The following MAFK variants were observed in gnomAD, a reference collection of about 807,000 sequenced individuals.
MAFK encodes transcription factor MafK.
A neutral mutation model predicts 9.2 loss-of-function variants in MAFK; 1 was observed. The observed-to-expected ratio is 0.11, with a 90% CI of 0.04 to 0.52. The LOEUF is 0.52. Among genes scored for constraint, MAFK ranks in the 20% least tolerant of loss-of-function variants. The pLI, the probability that MAFK is intolerant of heterozygous loss-of-function variation, is 0.94. For missense variants in MAFK, 207 were observed against 236.0 expected (o/e 0.88, Z 0.81); for synonymous variants, 110 against 107.4 (o/e 1.02, Z -0.15).
At chr7:1,539,007 C>A in intron 1 of MAFK, 142 bp from the exon 2 acceptor site, 2 of 683,508 alleles carry the variant, frequency 2.9e-6, no homozygotes, top group East Asian at 5.6e-5. Flanking sequence ...GGGCTGGGCC[C>A]GGATGGTGCC....
chr7:1,539,308 G>C (rs1784114831), intron 2 of MAFK, 80 bp downstream of exon 2: 7 of 1,238,650 alleles, frequency 5.7e-6, no homozygotes, highest in Non-Finnish European at 8.1e-6. Flanking sequence ...TGCTATCCCA[G>C]GGCCGTCCTG....
In MAFK at chr7:1,542,476, T is replaced by C. The variant is rs1784218541; in HGVS notation, c.*2101T>C. On this transcript the variant is annotated 3_prime_UTR_variant, in exon 3 of 3. Transcript: ENST00000343242. The stretch of plus-strand genomic sequence containing the variant: ...TGGCCGGTTCTGTCCCGTCTTGGGG[T>C]TCTTGGTGTCCACGTCTTGTGGGCC... The C allele has an allele frequency of 6.6e-6, 1 of 152,136 alleles. No homozygotes were observed. The highest frequency in any genetic ancestry group is 6.6e-5 in the Admixed American group (1 of 15,258). 9.4% of individuals were successfully genotyped at this position (152,136 alleles called of 1,614,324 possible).
At position 1,532,869 on chromosome 7, in the gene MAFK, A is replaced by T. The variant is rs1019609282; in HGVS notation, c.-45+1971A>T. On this transcript the variant is annotated intron_variant, in intron 1 of 2. Transcript: ENST00000343242. This position sits in a 1 kb window ranked among gnomAD's most constrained non-coding sequence, Gnocchi z 4.5. ...GGGTCCAGTCCACACGGGAAATGGAAATCTGGCCAGCTGAGAGAGGGCTCC... is the reference window on the plus strand; with the variant it reads ...GGGTCCAGTCCACACGGGAAATGGATATCTGGCCAGCTGAGAGAGGGCTCC... Among the ~76,000 whole-genome samples, 1 of 152,122 alleles carries T rather than the reference A, an allele frequency of 6.6e-6. No individual in the cohort carries two copies. Among genetic ancestry groups the T allele is most frequent in the African/African-American group, 2.4e-5 (1 of 41,408 alleles).
rs1305724344 is a variant in MAFK at position 1,541,646 on chromosome 7, A to G, written c.*1271A>G. 6.6e-6 allele frequency: 1 copy of G among 152,096 alleles called. No individual in the cohort carries two copies. The highest frequency in any genetic ancestry group is 1.5e-5 in the Non-Finnish European group (1 of 68,032). 9.4% of individuals were successfully genotyped at this position (152,096 alleles called of 1,614,324 possible). ...TCGTGGACGTGGCTCCTGCGCGCAC[A>G]CCCCCAGGAGCACAGCCACGGGCTG... On this transcript the variant is annotated 3_prime_UTR_variant, in exon 3 of 3. Transcript: ENST00000343242.
At position 1,539,174 on chromosome 7, in the gene MAFK, T is replaced by C. The variant is rs1307223854; in HGVS notation, c.-19T>C. ...CTACGAGTTCCAGGGAGCTCTGTCCTGGTGACCGTGCCCGGGTTATGACGA... is the reference window on the plus strand; with the variant it reads ...CTACGAGTTCCAGGGAGCTCTGTCCCGGTGACCGTGCCCGGGTTATGACGA... On this transcript the variant is annotated 5_prime_UTR_variant, in exon 2 of 3. Coordinates refer to ENST00000343242, the MANE Select transcript of MAFK (RefSeq NM_002360.4). The C allele has an allele frequency of 6.2e-7, 1 of 1,613,056 alleles. No homozygotes were observed.
chr7:1,542,712 G>A lies in MAFK; in HGVS notation c.*2337G>A, dbSNP rs557539077. 5 of 152,662 alleles carry A rather than the reference G, an allele frequency of 3.3e-5. No individual in the cohort carries two copies. Among genetic ancestry groups the A allele is most frequent in the South Asian group, 2.1e-4 (1 of 4,832 alleles). 9.5% of individuals were successfully genotyped at this position (152,662 alleles called of 1,614,324 possible). A position where few individuals can be genotyped will look rare whatever the true frequency, so the allele number is the denominator to read the frequency against. On this transcript the variant is annotated 3_prime_UTR_variant, in exon 3 of 3. Coordinates refer to ENST00000343242, the MANE Select transcript of MAFK (RefSeq NM_002360.4). The stretch of plus-strand genomic sequence containing the variant: ...AAAAAGACGAGGGACTCTTTGTCAC[G>A]TGGGTTTGTTTTCTGTCTCCGTGCC...
At chr7:1,538,644 C>T (rs1010827764) in intron 1 of MAFK, 56 of 163,094 alleles carry the variant, frequency 3.4e-4, no homozygotes, top group Admixed American at 5.9e-4. Flanking sequence ...CCACACTCCT[C>T]GGGGCCGGCA....
At chr7:1,535,379 G>A (rs1784003662) in intron 1 of MAFK, among the ~76,000 whole-genome samples, 1 of 152,220 alleles carries the variant, frequency 6.6e-6, no homozygotes. Flanking sequence ...AAATGGCCGG[G>A]CATGGTGGCT....
At chr7:1,531,321 C>T (rs1783899645) in intron 1 of MAFK, among the ~76,000 whole-genome samples, 1 of 151,778 alleles carries the variant, frequency 6.6e-6, no homozygotes, top group Non-Finnish European at 1.5e-5. Flanking sequence ...CGCGTGGATT[C>T]TCCGCGGCTT....
intron 1 of MAFK, chr7:1,537,751 A>G (rs1784069445): frequency 2.8e-5 from 27 of 958,722 alleles, no homozygotes; most frequent in Non-Finnish European, 3.2e-5. Flanking sequence ...TGGGGCCCCC[A>G]TCGGAGGCAG....
chr7:1,536,527 A>C (rs895474022), intron 1 of MAFK, among the ~76,000 whole-genome samples: 1 of 152,042 alleles, frequency 6.6e-6, no homozygotes, highest in Non-Finnish European at 1.5e-5. Flanking sequence ...CGCTTTCTAC[A>C]TGTGCTCTGG....
rs1227785954 is a variant in MAFK at position 1,534,736 on chromosome 7, GC to G, written c.-45+3843del. The G allele has an allele frequency of 2.3e-6, 1 of 434,180 alleles. No individual in the cohort carries two copies. The highest frequency in any genetic ancestry group is 7.2e-5 in the East Asian group (1 of 13,906). 26.9% of individuals were successfully genotyped at this position (434,180 alleles called of 1,614,324 possible). On this transcript the variant is annotated intron_variant, in intron 1 of 2. Transcript: ENST00000343242. The surrounding 1 kb of genome is among the most constrained non-coding windows in gnomAD (Gnocchi z 4.3). ...GGCAAGAACAAGTGACCCATCCAGAGCCCCCATGCTGGCCTCGTAGAGCGAG... is the reference window on the plus strand; with the variant it reads ...GGCAAGAACAAGTGACCCATCCAGAGCCCCATGCTGGCCTCGTAGAGCGAG...
In MAFK at chr7:1,534,495, C is replaced by G; in HGVS notation, c.-45+3597C>G. 1 of 443,312 alleles carries G rather than the reference C, an allele frequency of 2.3e-6. No individual in the cohort carries two copies. The highest frequency in any genetic ancestry group is 4.6e-6 in the Non-Finnish European group (1 of 217,364). The allele number at this position is 443,312 out of a possible 1,614,324, so 27.5% of individuals were successfully genotyped here. A position where few individuals can be genotyped will look rare whatever the true frequency, so the allele number is the denominator to read the frequency against. On this transcript the variant is annotated intron_variant, in intron 1 of 2. Transcript: ENST00000343242. The surrounding 1 kb of genome is among the most constrained non-coding windows in gnomAD (Gnocchi z 4.3). Reference sequence around the variant, plus strand: ...TCACTGGTCGGGGGGCGGGAGGGCGCTTGCTGCTGTGCTGCTGGGTTTCTG... The same window carrying G: ...TCACTGGTCGGGGGGCGGGAGGGCGGTTGCTGCTGTGCTGCTGGGTTTCTG...
intron 1 of MAFK, among the ~76,000 whole-genome samples, chr7:1,535,215 A>G (rs759446523): frequency 6.0e-5 from 9 of 149,418 alleles, no homozygotes; most frequent in Non-Finnish European, 1.0e-4. Context: ...CCCAGTCCCA[A>G]CTTGGTGGAG....
rs1342971788 is a variant in MAFK at position 1,540,615 on chromosome 7, G to A, written c.*240G>A. The A allele has an allele frequency of 7.5e-6, 4 of 532,872 alleles. No individual in the cohort carries two copies. Among genetic ancestry groups the A allele is most frequent in the Non-Finnish European group, 1.3e-5 (4 of 302,208 alleles). The allele number at this position is 532,872 out of a possible 1,614,324, so 33.0% of individuals were successfully genotyped here. A position where few individuals can be genotyped will look rare whatever the true frequency, so the allele number is the denominator to read the frequency against. ...TCACGCCCGCCACCTGCTCCCCGCA[G>A]GATGTGTCTGTGTGTGGGAATTGGT... On this transcript the variant is annotated 3_prime_UTR_variant, in exon 3 of 3. Transcript: ENST00000343242.
Position 1,534,606 on chromosome 7 carries a change from G to A in MAFK, c.-45+3708G>A, listed in dbSNP as rs888139755. The A allele has an allele frequency of 3.7e-5, 17 of 456,098 alleles. No individual in the cohort carries two copies. Among genetic ancestry groups the A allele is most frequent in the Non-Finnish European group, 6.2e-5 (14 of 226,808 alleles). The allele number at this position is 456,098 out of a possible 1,614,324, so 28.3% of individuals were successfully genotyped here. A position where few individuals can be genotyped will look rare whatever the true frequency, so the allele number is the denominator to read the frequency against. ...TCCCTCTCCCGCATCCCACATCCTC[G>A]GAGACCCGCGGAGAATAGAAGTGGA... is the stretch of plus-strand genomic sequence containing the variant. On this transcript the variant is annotated intron_variant, in intron 1 of 2. Transcript: ENST00000343242. This position sits in a 1 kb window ranked among gnomAD's most constrained non-coding sequence, Gnocchi z 4.3.
intron 1 of MAFK, among the ~76,000 whole-genome samples, chr7:1,533,383 C>T (rs578124185): frequency 2.0e-5 from 3 of 152,290 alleles, no homozygotes; most frequent in South Asian, 2.1e-4. Context: ...TGGGGAGGCC[C>T]CCTGTCCCCA....
At position 1,540,368 on chromosome 7, in the gene MAFK, C is replaced by A; in HGVS notation, c.464C>A (p.Ala155Glu). The A allele has an allele frequency of 7.4e-7, 1 of 1,358,688 alleles. No individual in the cohort carries two copies. The highest frequency in any genetic ancestry group is 1.2e-5 in the South Asian group (1 of 82,432). The allele number at this position is 1,358,688 out of a possible 1,614,324, so 84.2% of individuals were successfully genotyped here. A position where few individuals can be genotyped will look rare whatever the true frequency, so the allele number is the denominator to read the frequency against. ...TCCACCTCCGTGCCCTTCTCGGCTG[C>A]ATCCTAGTGCCGGCCGGGGGCGGGG... ...LSSTSVPFSA[A>E]S The change falls in exon 3 of 3, where the codon GCA (alanine) becomes GAA (glutamate). Residue 155 changes from alanine to glutamate, a missense_variant. Physicochemically the swap from Ala to Glu is moderately radical, Grantham distance 107. Transcript: ENST00000343242.
chr7:1,537,054 C>T (rs1325839682), intron 1 of MAFK, among the ~76,000 whole-genome samples: 3 of 152,368 alleles, frequency 2.0e-5, no homozygotes, highest in South Asian at 2.1e-4. Context: ...CAACCTTGAC[C>T]TCCTGGAAGT....
Sources: allele counts gnomAD v4.1 joint callset (sites outside exome capture counted in the v4.1 genomes callset), GRCh38; gene constraint gnomAD v4.1.1; non-coding constraint Gnocchi (gnomAD v3.1); transcripts MANE v1.5; gene names NCBI Gene and HGNC (gene_info 2026-07-23, HGNC 2026-07-21).